The following MRPS28 variants were observed in gnomAD, a reference collection of about 807,000 sequenced individuals.
The protein encoded by MRPS28 is small ribosomal subunit protein bS1m.
A neutral mutation model predicts 10.8 loss-of-function variants in MRPS28; 7 were observed. The ratio of observed to expected loss-of-function variants is 0.65; its 90% CI spans 0.37 to 1.22. MRPS28 has a LOEUF of 1.22. Ranked by LOEUF, MRPS28 falls within the 50% of genes most tolerant of loss-of-function variation. The pLI is 0.02. For missense variants in MRPS28, 265 were observed against 232.9 expected, an observed-to-expected ratio of 1.14 and a Z score of -0.90; for synonymous variants, 121 against 93.3, an observed-to-expected ratio of 1.30 and a Z score of -1.71.
chr8:80,029,948 T>A, intron 1 of MRPS28, 88 bp downstream of exon 1: 1 of 1,540,760 alleles, frequency 6.5e-7, no homozygotes, highest in East Asian at 2.4e-5. Flanking sequence ...CTCCCCTTCC[T>A]AAGCCAGGCT....
At chr8:80,012,478 A>G (rs1053954370) in intron 1 of MRPS28, among the ~76,000 whole-genome samples, 5 of 152,208 alleles carry the variant, frequency 3.3e-5, no homozygotes, top group Non-Finnish European at 2.9e-5. Context: ...CTAAACTAAC[A>G]TTGATAGCTC....
chr8:79,919,163 A>G lies in MRPS28; in HGVS notation c.396-15T>C, dbSNP rs1410807825. ...TCTGGTATTTCCTAAATAGTTAAAA[A>G]AAAAAAAATCCATTAATTCTGAATA... On this transcript the variant is annotated splice_polypyrimidine_tract_variant and intron_variant, in intron 2 of 2. Transcript: ENST00000276585. 1 of 1,544,512 alleles carries G rather than the reference A, an allele frequency of 6.5e-7. No individual in the cohort carries two copies. The highest frequency in any genetic ancestry group is 1.2e-5 in the South Asian group (1 of 80,438).
intron 1 of MRPS28, among the ~76,000 whole-genome samples, chr8:80,027,995 A>G (rs1428610766): frequency 6.6e-6 from 1 of 152,204 alleles, no homozygotes; most frequent in Non-Finnish European, 1.5e-5. Context: ...CCTCCTGGAA[A>G]AACTGAACAG....
At chr8:79,984,666 A>G (rs1298886097) in intron 2 of MRPS28, among the ~76,000 whole-genome samples, 2 of 152,166 alleles carry the variant, frequency 1.3e-5, no homozygotes, top group Non-Finnish European at 2.9e-5. Flanking sequence ...CAAAGATCAA[A>G]AGAGACAAAG....
intron 2 of MRPS28, among the ~76,000 whole-genome samples, chr8:79,979,963 A>G (rs372090392): frequency 2.8e-5 from 4 of 141,522 alleles, no homozygotes; most frequent in Non-Finnish European, 6.1e-5. Context: ...TTTTTAAGCC[A>G]CAAGTAGACA....
chr8:80,011,421 A>G (rs1327959678), intron 1 of MRPS28, among the ~76,000 whole-genome samples: 1 of 149,172 alleles, frequency 6.7e-6, no homozygotes, highest in African/African-American at 2.5e-5. Flanking sequence ...TTTTTTTTCA[A>G]TTGGCTGACT....
chr8:79,958,475 A>G, intron 2 of MRPS28: 1 of 600,696 alleles, frequency 1.7e-6, no homozygotes, highest in Non-Finnish European at 2.9e-6. Context: ...GAAGAACTCA[A>G]GGCTATTTTA....
chr8:79,980,495 T>C (rs887965139), intron 2 of MRPS28, among the ~76,000 whole-genome samples: 8 of 152,246 alleles, frequency 5.3e-5, no homozygotes, highest in African/African-American at 1.9e-4. Flanking sequence ...TCATTTAATT[T>C]GACATTGATT....
At chr8:79,988,893 T>C (rs183998819) in intron 2 of MRPS28, among the ~76,000 whole-genome samples, 9 of 152,280 alleles carry the variant, frequency 5.9e-5, no homozygotes, top group African/African-American at 1.9e-4. Flanking sequence ...CTTCCTGCCA[T>C]TTTTACCCTC....
intron 2 of MRPS28, among the ~76,000 whole-genome samples, chr8:79,971,340 A>T (rs1807627464): frequency 1.3e-5 from 2 of 152,212 alleles, no homozygotes; most frequent in South Asian, 4.1e-4. Flanking sequence ...AGGTTTTTTT[A>T]ATTAAAATAT....
chr8:79,949,783 G>T (rs865933075), intron 2 of MRPS28, among the ~76,000 whole-genome samples: 3 of 152,136 alleles, frequency 2.0e-5, no homozygotes, highest in South Asian at 2.1e-4. Context: ...AGGACAAAGG[G>T]AAGCTCAATT....
At chr8:79,989,714 GTT>G (rs1023085934) in intron 2 of MRPS28, among the ~76,000 whole-genome samples, 7 of 152,068 alleles carry the variant, frequency 4.6e-5, no homozygotes, top group Non-Finnish European at 1.0e-4. Flanking sequence ...ATTTTGTTTT[GTT>G]TTGTTTTGTT....
intron 2 of MRPS28, among the ~76,000 whole-genome samples, chr8:79,948,586 T>C (rs777325949): frequency 6.6e-6 from 1 of 152,238 alleles, no homozygotes; most frequent in African/African-American, 2.4e-5. Flanking sequence ...ACAGCTGAGT[T>C]TGATGTTAAT....
At chr8:79,980,801 T>C (rs1807932927) in intron 2 of MRPS28, among the ~76,000 whole-genome samples, 1 of 152,234 alleles carries the variant, frequency 6.6e-6, no homozygotes, top group African/African-American at 2.4e-5. Flanking sequence ...ACATGTTGAT[T>C]TTCTTAAAGT....
intron 2 of MRPS28, among the ~76,000 whole-genome samples, chr8:79,931,526 A>G (rs1806460213): frequency 1.3e-5 from 2 of 152,164 alleles, no homozygotes; most frequent in South Asian, 4.1e-4. Context: ...TCATTATGTA[A>G]CCCTAGGCAA....
At chr8:79,969,917 C>G (rs1298627032) in intron 2 of MRPS28, among the ~76,000 whole-genome samples, 1 of 152,150 alleles carries the variant, frequency 6.6e-6, no homozygotes, top group Non-Finnish European at 1.5e-5. Context: ...CAGGAGTCAG[C>G]TCTTCTGCAG....
intron 2 of MRPS28, among the ~76,000 whole-genome samples, chr8:79,963,162 A>T (rs769612423): frequency 2.0e-5 from 3 of 152,130 alleles, no homozygotes; most frequent in Non-Finnish European, 4.4e-5. Flanking sequence ...TTAAAATCTA[A>T]AACTGAATCA....
chr8:80,021,081 C>A (rs1809348566), intron 1 of MRPS28, among the ~76,000 whole-genome samples: 1 of 151,514 alleles, frequency 6.6e-6, no homozygotes, highest in Non-Finnish European at 1.5e-5. Context: ...CGACTCACTG[C>A]AACCTCCGCC....
chr8:80,003,499 T>C (rs1488208475), intron 1 of MRPS28, among the ~76,000 whole-genome samples: 1 of 152,118 alleles, frequency 6.6e-6, no homozygotes, highest in Non-Finnish European at 1.5e-5. Context: ...CTGTCTCTAC[T>C]AAAAATACAA....
Sources: gnomAD v4.1 joint callset for allele counts (sites outside exome capture counted in the v4.1 genomes callset) on GRCh38, gnomAD v4.1.1 for gene constraint, MANE v1.5 for transcripts, NCBI Gene and HGNC (gene_info 2026-07-23, HGNC 2026-07-21) for gene names.